Variants in CCM2 observed in about 807,000 individuals in gnomAD.
CCM2 encodes the protein cerebral cavernous malformations 2 protein.
In CCM2, 25 loss-of-function variants were observed where a neutral mutation model predicts 44.9. That is an observed-to-expected ratio of 0.56 (90% CI 0.41 to 0.78). The LOEUF is 0.78. CCM2 is among the 30% of genes least tolerant of loss of function. The pLI, the probability that CCM2 is intolerant of heterozygous loss-of-function variation, is 0.00. For missense variants in CCM2, 481 were observed against 580.6 expected (o/e 0.83, Z 1.76); for synonymous variants, 219 against 241.1 (o/e 0.91, Z 0.85).
chr7:45,029,426 C>G (rs1482053750), intron 1 of CCM2: 1 of 152,192 alleles, frequency 6.6e-6, no homozygotes, highest in Non-Finnish European at 1.5e-5. Flanking sequence ...AAGTGTTCTT[C>G]TCTTTCTTCC....
chr7:45,068,659 C>T (rs1213800349), intron 5 of CCM2, 80 bp downstream of exon 5: 1 of 1,581,880 alleles, frequency 6.3e-7, no homozygotes, highest in African/African-American at 1.3e-5. Flanking sequence ...TGGCCACACC[C>T]AGCACAGTGC....
At chr7:45,008,521 T>G (rs895573957) in intron 1 of CCM2, among the ~76,000 whole-genome samples, 2 of 152,084 alleles carry the variant, frequency 1.3e-5, no homozygotes, top group Non-Finnish European at 2.9e-5. Context: ...CGCCACCAAG[T>G]CCGGCTAATT....
intron 1 of CCM2, among the ~76,000 whole-genome samples, chr7:45,009,669 G>T (rs1028818301): frequency 3.9e-5 from 6 of 152,044 alleles, no homozygotes; most frequent in African/African-American, 1.4e-4. Context: ...CTCCCAAAGT[G>T]CTGGGATTAC....
At chr7:45,053,879 G>A (rs769513802) in intron 2 of CCM2, among the ~76,000 whole-genome samples, 2 of 152,082 alleles carry the variant, frequency 1.3e-5, no homozygotes, top group Admixed American at 6.6e-5. Flanking sequence ...TGAGCCTTTC[G>A]ATACCTGGAT....
Position 45,064,650 on chromosome 7 carries a change from C to CTGA in CCM2, c.472+4_472+5insTGA, listed in dbSNP as rs1562908123. 1 of 1,613,714 alleles carries CTGA rather than the reference C, an allele frequency of 6.2e-7. No individual in the cohort carries two copies. ...CACCTGGTGGTCCTGAAGACAGGTA[C>CTGA]AGGAGGTCAGGGGTCAGGAGGGTCC... On this transcript the variant is annotated splice_donor_region_variant and intron_variant, in intron 4 of 9. Transcript: ENST00000258781.
At chr7:45,067,451 C>G (rs1308461120) in intron 4 of CCM2, among the ~76,000 whole-genome samples, 11 of 152,254 alleles carry the variant, frequency 7.2e-5, no homozygotes, top group Admixed American at 3.9e-4. Context: ...CCATGAGCCA[C>G]TGCGCCTGGC....
intron 6 of CCM2, chr7:45,070,487 A>C: frequency 2.2e-6 from 1 of 456,288 alleles, no homozygotes; most frequent in South Asian, 1.5e-5. Context: ...AAGGTACCCC[A>C]GAGCTGTCTC....
chr7:45,053,569 C>T (rs1335424232), intron 2 of CCM2, among the ~76,000 whole-genome samples: 2 of 152,146 alleles, frequency 1.3e-5, no homozygotes, highest in Non-Finnish European at 2.9e-5. Flanking sequence ...ACTTTGCTGC[C>T]TATTACCAGC....
intron 1 of CCM2, among the ~76,000 whole-genome samples, chr7:45,026,444 G>A (rs1168823866): frequency 6.6e-6 from 1 of 152,062 alleles, no homozygotes; most frequent in African/African-American, 2.4e-5. Context: ...TTTGTTACAG[G>A]TTAATGAAAT....
At chr7:45,036,068 C>T (rs1434198434) in intron 1 of CCM2, among the ~76,000 whole-genome samples, 1 of 152,076 alleles carries the variant, frequency 6.6e-6, no homozygotes, top group African/African-American at 2.4e-5. Flanking sequence ...TGGTGCAGCC[C>T]AATGCATGCC....
At chr7:45,074,043 T>C in intron 8 of CCM2, 1 of 884,330 alleles carries the variant, frequency 1.1e-6, no homozygotes, top group Admixed American at 2.7e-5. Flanking sequence ...GTGTTCCAGC[T>C]CAGGAGAGTG....
chr7:45,027,454 T>G, intron 1 of CCM2: 1 of 584,474 alleles, frequency 1.7e-6, no homozygotes, highest in Non-Finnish European at 3.0e-6. Flanking sequence ...GCTTGTGGGG[T>G]TCGCGTGCTG....
chr7:45,066,205 C>T (rs1798765809), intron 4 of CCM2, among the ~76,000 whole-genome samples: 1 of 152,164 alleles, frequency 6.6e-6, no homozygotes, highest in South Asian at 2.1e-4. Flanking sequence ...GAGAGTGAAT[C>T]CCTGTGTCCT....
chr7:45,055,796 A>G (rs1798230865), intron 2 of CCM2, among the ~76,000 whole-genome samples: 1 of 152,206 alleles, frequency 6.6e-6, no homozygotes. Flanking sequence ...AGAGCTTCCC[A>G]CCAGCCCTTA....
chr7:45,062,070 T>TG (rs1432935004), intron 2 of CCM2, among the ~76,000 whole-genome samples: 1 of 152,220 alleles, frequency 6.6e-6, no homozygotes, highest in Non-Finnish European at 1.5e-5. Context: ...TCTCCATCTT[T>TG]GGGGTTATTG....
chr7:45,074,266 G>A lies in CCM2; in HGVS notation c.916-4G>A. ...GCCCCCTATCTGGCTCTGCTCTCTTGCAGCTGCGCACCAAGCTGTCATCAC... is the reference window on the plus strand; with the variant it reads ...GCCCCCTATCTGGCTCTGCTCTCTTACAGCTGCGCACCAAGCTGTCATCAC... On this transcript the variant is annotated splice_polypyrimidine_tract_variant and splice_region_variant and intron_variant, in intron 8 of 9. Transcript: ENST00000258781. 1 of 1,613,504 alleles carries A rather than the reference G, an allele frequency of 6.2e-7. No homozygotes were observed. Among genetic ancestry groups the A allele is most frequent in the African/African-American group, 1.3e-5 (1 of 75,070 alleles).
intron 1 of CCM2, among the ~76,000 whole-genome samples, chr7:45,035,266 A>G (rs1020514856): frequency 2.6e-5 from 4 of 152,228 alleles, no homozygotes; most frequent in Admixed American, 6.5e-5. Flanking sequence ...AGCAGAAAAT[A>G]TATTCATCAT....
Position 45,000,217 on chromosome 7 carries a change from GC to G in CCM2, c.-116del, listed in dbSNP as rs1470675244. On this transcript the variant is annotated 5_prime_UTR_variant, in exon 1 of 10. Transcript: ENST00000258781. ...GGCCGGGGCGGAGACTTCGGGCCCG[GC>G]TGGCGGGCGGCGCCGGGAGCGCGGG... 7.2e-5 allele frequency: 42 copies of G among 581,672 alleles called. No individual in the cohort carries two copies. The highest frequency in any genetic ancestry group is 8.9e-5 in the Non-Finnish European group (41 of 462,758). The allele number at this position is 581,672 out of a possible 1,614,324, so 36.0% of individuals were successfully genotyped here. A position where few individuals can be genotyped will look rare whatever the true frequency, so the allele number is the denominator to read the frequency against.
At chr7:45,064,683 A>AAGG in intron 4 of CCM2, 37 bp downstream of exon 4, 2 of 1,608,498 alleles carry the variant, frequency 1.2e-6, no homozygotes, top group Non-Finnish European at 8.5e-7. Flanking sequence ...TCCTTGTCCT[A>AAGG]AGGAGTACAT....
Sources: gnomAD v4.1 joint callset for allele counts (sites outside exome capture counted in the v4.1 genomes callset) on GRCh38, gnomAD v4.1.1 for gene constraint, MANE v1.5 for transcripts, NCBI Gene and HGNC (gene_info 2026-07-23, HGNC 2026-07-21) for gene names.